The following EFCAB6 variants were observed in gnomAD, a reference collection of about 807,000 sequenced individuals.
EFCAB6 encodes the protein EF-hand calcium-binding domain-containing protein 6.
In EFCAB6, 156 loss-of-function variants were observed where a neutral mutation model predicts 169.8. The ratio of observed to expected loss-of-function variants is 0.92; its 90% confidence interval spans 0.81 to 1.05. The LOEUF (loss-of-function observed/expected upper bound fraction) is 1.05, where lower values mean the gene tolerates loss of function less well. EFCAB6 is among the 50% of genes least tolerant of loss of function. The probability of loss-of-function intolerance (pLI) is 0.00; values close to 1 mark genes in which losing one functional copy is unlikely to be tolerated. For missense variants in EFCAB6, 1,800 were observed against 1,829.1 expected (o/e 0.98, Z 0.29); for synonymous variants, 698 against 676.4 (o/e 1.03, Z -0.50).
At chr22:43,648,639 T>C (rs1034777327) in intron 17 of EFCAB6, among the ~76,000 whole-genome samples, 8 of 152,224 alleles carry the variant, frequency 5.3e-5, no homozygotes, top group African/African-American at 1.9e-4. Context: ...GGATTATTCA[T>C]GCCCCAAACC....
chr22:43,730,954 CCA>C (rs1394117264), intron 8 of EFCAB6, among the ~76,000 whole-genome samples: 1 of 152,180 alleles, frequency 6.6e-6, no homozygotes, highest in Admixed American at 6.5e-5. Flanking sequence ...GCTGCTGAAA[CCA>C]CACAGAGACA....
At chr22:43,631,143 C>A (rs1368984801) in intron 19 of EFCAB6, among the ~76,000 whole-genome samples, 1 of 151,796 alleles carries the variant, frequency 6.6e-6, no homozygotes, top group Non-Finnish European at 1.5e-5. Flanking sequence ...TCTCGCCCGT[C>A]CCTTCCCTTC....
chr22:43,738,830 C>T (rs1389836988), intron 6 of EFCAB6, among the ~76,000 whole-genome samples: 1 of 152,186 alleles, frequency 6.6e-6, no homozygotes, highest in African/African-American at 2.4e-5. Flanking sequence ...ATTCCCCACA[C>T]CCACTTGCAG....
At chr22:43,613,986 C>T (rs973030031) in intron 21 of EFCAB6, among the ~76,000 whole-genome samples, 2 of 151,840 alleles carry the variant, frequency 1.3e-5, no homozygotes, top group South Asian at 4.2e-4. Flanking sequence ...ATGAAAACTA[C>T]AAAACTCTGA....
chr22:43,531,008 C>T (rs1200819227), intron 30 of EFCAB6, 44 bp from the exon 31 acceptor site: 1 of 1,611,440 alleles, frequency 6.2e-7, no homozygotes, highest in Non-Finnish European at 8.5e-7. Flanking sequence ...CTTTTGAACA[C>T]GAGGGTTGGG....
intron 6 of EFCAB6, among the ~76,000 whole-genome samples, chr22:43,737,285 C>T (rs972477598): frequency 1.3e-5 from 2 of 152,068 alleles, no homozygotes; most frequent in Non-Finnish European, 2.9e-5. Context: ...CTGTCACACA[C>T]ACATGCACAG....
intron 2 of EFCAB6, among the ~76,000 whole-genome samples, chr22:43,784,676 T>TATAC (rs1439765812): frequency 0.033 from 2,047 of 62,980 alleles, 166 homozygotes; most frequent in African/African-American, 0.1. Context: ...TATACATATA[T>TATAC]ACACACACAC....
chr22:43,731,870 G>A lies in EFCAB6; in HGVS notation c.645-59C>T, dbSNP rs1018451367. ...TATGAATCTAAAATGAAGCAAGTTT[G>A]TTACTAAGGTATCCTTTACACTCGG... On this transcript the variant is annotated intron_variant, in intron 7 of 31. Coordinates refer to ENST00000262726, the MANE Select transcript of EFCAB6 (RefSeq NM_022785.4). The A allele has an allele frequency of 1.7e-5, 18 of 1,041,364 alleles. No homozygotes were observed. In the African/African-American group the frequency reaches 2.6e-4, roughly 15 times the overall value. The allele number at this position is 1,041,364 out of a possible 1,614,324, so 64.5% of individuals were successfully genotyped here.
At chr22:43,737,257 C>G (rs1297305786) in intron 6 of EFCAB6, among the ~76,000 whole-genome samples, 1 of 152,032 alleles carries the variant, frequency 6.6e-6, no homozygotes, top group African/African-American at 2.4e-5. Context: ...CTGACATGGT[C>G]CACCCCATAC....
chr22:43,576,212 T>C (rs1171135473), intron 26 of EFCAB6, 85 bp downstream of exon 26: 3 of 1,201,492 alleles, frequency 2.5e-6, no homozygotes, highest in Non-Finnish European at 3.4e-6. Context: ...ATTTATCTGA[T>C]ATGGTTCTAA....
intron 8 of EFCAB6, among the ~76,000 whole-genome samples, chr22:43,728,202 G>A (rs192369445): frequency 2.0e-5 from 3 of 152,060 alleles, no homozygotes; most frequent in East Asian, 1.9e-4. Context: ...TGAGAATAAC[G>A]GTTTCCAACT....
rs1569487694 is a variant in EFCAB6 at position 43,784,604 on chromosome 22, T to TATATATGTGTATATATACAC, written c.-7-2299_-7-2280dup. Among the ~76,000 whole-genome samples the TATATATGTGTATATATACAC allele has an allele frequency of 1.2e-4, 9 of 73,488 alleles. 1 individual carries two copies. Among genetic ancestry groups the TATATATGTGTATATATACAC allele is most frequent in the Non-Finnish European group, 2.3e-4 (8 of 35,230 alleles). The allele number at this position is 73,488 out of a possible 152,430, so 48.2% of individuals were successfully genotyped here. On this transcript the variant is annotated intron_variant, in intron 2 of 31. Coordinates refer to ENST00000262726, the MANE Select transcript of EFCAB6 (RefSeq NM_022785.4). ...ACACATATATATGTATATATACACA[T>TATATATGTGTATATATACAC]ATATATGTGTATATATACACATATA...
At chr22:43,542,166 C>G (rs1245380641) in intron 27 of EFCAB6, among the ~76,000 whole-genome samples, 1 of 152,194 alleles carries the variant, frequency 6.6e-6, no homozygotes, top group Non-Finnish European at 1.5e-5. Flanking sequence ...TGAGGGAGGT[C>G]GGTGTGCATG....
Position 43,755,056 on chromosome 22 carries a change from T to C in EFCAB6, c.507+710A>G, listed in dbSNP as rs2147857249. Among the ~76,000 whole-genome samples the C allele has an allele frequency of 2.6e-5, 4 of 152,330 alleles. 1 individual carries two copies. The South Asian group carries it at 8.3e-4, about 32-fold the overall frequency. ...AAACATTTTGTGGATCTCTGGCTAT[T>C]TTTGAGTATGAAATATATGAGTCTC... On this transcript the variant is annotated intron_variant, in intron 6 of 31. Transcript: ENST00000262726.
intron 8 of EFCAB6, among the ~76,000 whole-genome samples, chr22:43,717,174 T>C (rs370977788): frequency 5.9e-5 from 9 of 152,258 alleles, no homozygotes; most frequent in Admixed American, 6.5e-5. Context: ...CTCACTATCT[T>C]ACTCTAGGAT....
intron 15 of EFCAB6, among the ~76,000 whole-genome samples, chr22:43,669,688 T>C (rs1410113319): frequency 6.6e-6 from 1 of 152,200 alleles, no homozygotes; most frequent in Non-Finnish European, 1.5e-5. Context: ...ATGAATTTCA[T>C]CATATTGTAT....
At chr22:43,614,139 T>C (rs2053520052) in intron 21 of EFCAB6, among the ~76,000 whole-genome samples, 1 of 112,922 alleles carries the variant, frequency 8.9e-6, no homozygotes, top group Non-Finnish European at 1.7e-5. Flanking sequence ...ATAAACTTAT[T>C]CTAGATGCAA....
At chr22:43,545,232 A>G (rs934664857) in intron 27 of EFCAB6, among the ~76,000 whole-genome samples, 7 of 152,192 alleles carry the variant, frequency 4.6e-5, no homozygotes, top group African/African-American at 1.7e-4. Context: ...TGTCTTTTTC[A>G]GTGGCCAGGT....
rs2060616436 is a variant in EFCAB6, at chr22:43,747,739, C to T, written c.507+8027G>A. ...ACTTAATGAGCCCCTGCTATGTACACACCATCTGAAGTCTTACCCTTCCTC... is the reference window on the plus strand; with the variant it reads ...ACTTAATGAGCCCCTGCTATGTACATACCATCTGAAGTCTTACCCTTCCTC... On this transcript the variant is annotated intron_variant, in intron 6 of 31. Transcript: ENST00000262726. 2.0e-5 allele frequency among the ~76,000 whole-genome samples: 3 copies of T among 152,260 alleles called. No homozygotes were observed. The South Asian group carries it at 6.2e-4, about 32-fold the overall frequency.
Sources: allele counts gnomAD v4.1 joint callset (sites outside exome capture counted in the v4.1 genomes callset), GRCh38; gene constraint gnomAD v4.1.1; transcripts MANE v1.5; gene names NCBI Gene and HGNC (gene_info 2026-07-23, HGNC 2026-07-21).